The following SRGAP1 variants were observed in gnomAD, a reference collection of about 807,000 sequenced individuals.
The protein encoded by SRGAP1 is SLIT-ROBO Rho GTPase-activating protein 1.
SRGAP1 carries 43 observed loss-of-function variants against 121.9 expected under a neutral mutation model. The ratio of observed to expected loss-of-function variants is 0.35; its 90% CI spans 0.28 to 0.46. The LOEUF (loss-of-function observed/expected upper bound fraction) is 0.46. Ranked by LOEUF, SRGAP1 falls within the 20% of genes least tolerant of loss-of-function variation. The probability of loss-of-function intolerance (pLI) is 1.00; values close to 1 mark genes in which losing one functional copy is unlikely to be tolerated. For synonymous variants in SRGAP1, 447 were observed against 485.4 expected (o/e 0.92, Z 1.04); for missense variants, 1,102 against 1,350.9 (o/e 0.82, Z 2.89).
intron 8 of SRGAP1, among the ~76,000 whole-genome samples, chr12:64,070,887 C>CA (rs1015400904): frequency 2.0e-5 from 3 of 152,112 alleles, no homozygotes; most frequent in African/African-American, 7.2e-5. Context: ...TCATGTAAGT[C>CA]AATGATCAAA....
chr12:63,937,191 A>G (rs2031692811), intron 1 of SRGAP1, among the ~76,000 whole-genome samples: 1 of 152,196 alleles, frequency 6.6e-6, no homozygotes, highest in South Asian at 2.1e-4. Context: ...GCATCAAAAA[A>G]TTAAGTTGGG....
intron 1 of SRGAP1, among the ~76,000 whole-genome samples, chr12:63,865,023 T>G (rs1282134172): frequency 6.6e-6 from 1 of 152,200 alleles, no homozygotes; most frequent in African/African-American, 2.4e-5. Context: ...TTCAGAGTAT[T>G]ACATTGGTGC....
At chr12:63,846,607 A>G (rs1025787645) in intron 1 of SRGAP1, among the ~76,000 whole-genome samples, 7 of 152,190 alleles carry the variant, frequency 4.6e-5, no homozygotes, top group African/African-American at 1.7e-4. Flanking sequence ...TGAAAATCAC[A>G]TTTGGAGCTA....
chr12:64,073,900 G>A (rs937880176), intron 8 of SRGAP1, among the ~76,000 whole-genome samples: 2 of 151,142 alleles, frequency 1.3e-5, no homozygotes, highest in Non-Finnish European at 2.9e-5. Flanking sequence ...TGCTTTAGAA[G>A]CTTTTTTTGT....
chr12:63,946,226 A>G (rs1219440576), intron 1 of SRGAP1, among the ~76,000 whole-genome samples: 2 of 151,412 alleles, frequency 1.3e-5, no homozygotes, highest in African/African-American at 4.9e-5. Context: ...TTATGTTACC[A>G]TTGTCACCAT....
intron 3 of SRGAP1, among the ~76,000 whole-genome samples, chr12:63,999,910 T>A (rs2033826639): frequency 6.6e-6 from 1 of 152,070 alleles, no homozygotes; most frequent in Non-Finnish European, 1.5e-5. Context: ...AATTAAAGGA[T>A]AAGAAGAAGA....
At chr12:64,072,463 T>C (rs1321301350) in intron 8 of SRGAP1, among the ~76,000 whole-genome samples, 2 of 152,102 alleles carry the variant, frequency 1.3e-5, no homozygotes, top group African/African-American at 2.4e-5. Flanking sequence ...TATTTGAAGA[T>C]AGGGCTTCAC....
Position 64,063,015 on chromosome 12 carries a change from C to T in SRGAP1, c.900C>T (p.Asp300=). Residue 300 remains aspartate (D), a synonymous_variant, in exon 7 of 22, where the codon GAC becomes GAT. Coordinates refer to ENST00000355086, the MANE Select transcript of SRGAP1 (RefSeq NM_020762.4). ...AAACCTCCAGACATGAGGGCTTAGACATTATTGAGAATGCAGTTGATAATT... is the reference window on the plus strand; with the variant it reads ...AAACCTCCAGACATGAGGGCTTAGATATTATTGAGAATGCAGTTGATAATT... The part of the protein sequence containing the change: ...NLETSRHEGL[D]IIENAVDNLE... 1.9e-6 allele frequency: 3 copies of T among 1,613,990 alleles called. No individual in the cohort carries two copies. The Admixed American group carries it at 5.0e-5, about 27-fold the overall frequency.
chr12:63,986,270 A>G (rs1418632674), intron 2 of SRGAP1, among the ~76,000 whole-genome samples: 1 of 151,792 alleles, frequency 6.6e-6, no homozygotes, highest in Non-Finnish European at 1.5e-5. Context: ...ATAAATCTTA[A>G]TGATGATCCC....
rs186891920 is a variant in SRGAP1 at position 64,159,100 on chromosome 12, C to A, written c.*16428C>A. On this transcript the variant is annotated 3_prime_UTR_variant, in exon 22 of 22. Transcript: ENST00000355086. ...TTTGGGAGGCTAAGTGGGAGGATCG[C>A]TTGAGCCTAGGAGTTCAAGACCAGC... 1.2e-4 allele frequency: 18 copies of A among 152,606 alleles called. No homozygotes were observed. Among genetic ancestry groups the A allele is most frequent in the African/African-American group, 4.1e-4 (17 of 41,524 alleles). The allele number at this position is 152,606 out of a possible 1,614,324, so 9.5% of individuals were successfully genotyped here. A position where few individuals can be genotyped will look rare whatever the true frequency, so the allele number is the denominator to read the frequency against.
intron 15 of SRGAP1, among the ~76,000 whole-genome samples, chr12:64,100,016 A>C (rs1048787441): frequency 6.6e-6 from 1 of 152,222 alleles, no homozygotes; most frequent in Admixed American, 6.5e-5. Context: ...ACTTAATCTT[A>C]TTAAATAGCT....
At position 64,091,386 on chromosome 12, in the gene SRGAP1, C is replaced by T. The variant is rs2036049158; in HGVS notation, c.1539+8C>T. On this transcript the variant is annotated splice_region_variant and intron_variant, in intron 12 of 21. Coordinates refer to ENST00000355086, the MANE Select transcript of SRGAP1 (RefSeq NM_020762.4). ...TTGGAAACATTCGTCAAGGTACTGG[C>T]ACCAGCCATCTGGGTGGCTGATCTC... 1 of 1,592,508 alleles carries T rather than the reference C, an allele frequency of 6.3e-7. No homozygotes were observed. The highest frequency in any genetic ancestry group is 8.6e-7 in the Non-Finnish European group (1 of 1,164,964).
intron 1 of SRGAP1, among the ~76,000 whole-genome samples, chr12:63,945,341 A>G (rs1177978939): frequency 7.9e-5 from 12 of 151,784 alleles, no homozygotes; most frequent in Admixed American, 6.6e-4. Flanking sequence ...AGGTATACAC[A>G]TGCCATAATG....
At chr12:64,079,677 C>A (rs1416284945) in intron 9 of SRGAP1, among the ~76,000 whole-genome samples, 1 of 150,830 alleles carries the variant, frequency 6.6e-6, no homozygotes, top group South Asian at 2.1e-4. Flanking sequence ...GAGAGTGAGA[C>A]CCCAACTCTA....
At position 64,015,109 on chromosome 12, in the gene SRGAP1, G is replaced by A. The variant is rs570887715; in HGVS notation, c.427-1841G>A. On this transcript the variant is annotated intron_variant, in intron 3 of 21. Coordinates refer to ENST00000355086, the MANE Select transcript of SRGAP1 (RefSeq NM_020762.4). ...TGGGATTACAGGCATGAGCCAACGC[G>A]ACCAGCCATCTTTTCTTTTTAGACT... Among the ~76,000 whole-genome samples, 5 of 152,266 alleles carry A rather than the reference G, an allele frequency of 3.3e-5. No homozygotes were observed. In the South Asian group the frequency reaches 8.3e-4, roughly 25 times the overall value.
intron 1 of SRGAP1, among the ~76,000 whole-genome samples, chr12:63,941,463 G>C (rs1330206750): frequency 3.3e-5 from 5 of 152,118 alleles, no homozygotes; most frequent in Non-Finnish European, 7.4e-5. Flanking sequence ...TGATCCGTTT[G>C]ATCTGCAGTT....
intron 21 of SRGAP1, among the ~76,000 whole-genome samples, chr12:64,136,062 G>GC (rs1247283936): frequency 1.3e-5 from 2 of 152,136 alleles, no homozygotes; most frequent in Non-Finnish European, 2.9e-5. Flanking sequence ...ATATTCGCTG[G>GC]CATCTGATTA....
At chr12:63,990,965 C>G (rs1038868187) in intron 3 of SRGAP1, among the ~76,000 whole-genome samples, 2 of 152,130 alleles carry the variant, frequency 1.3e-5, no homozygotes, top group Non-Finnish European at 2.9e-5. Flanking sequence ...TTCCCAAATC[C>G]ATTAAAAAAC....
rs550412867 is a variant in SRGAP1 at position 63,902,532 on chromosome 12, A to G, written c.67+57649A>G. 1.1e-4 allele frequency among the ~76,000 whole-genome samples: 16 copies of G among 152,356 alleles called. No individual in the cohort carries two copies. In the East Asian group the frequency reaches 3.1e-3, roughly 29 times the overall value. ...ACCCATAATCATGCTTTTACTGCCT[A>G]TTCAGAGAGACTGGAGGCATCTGTT... is the stretch of plus-strand genomic sequence containing the variant. On this transcript the variant is annotated intron_variant, in intron 1 of 21. Transcript: ENST00000355086.
Sources: gnomAD v4.1 joint callset for allele counts (sites outside exome capture counted in the v4.1 genomes callset) on GRCh38, gnomAD v4.1.1 for gene constraint, MANE v1.5 for transcripts, NCBI Gene and HGNC (gene_info 2026-07-23, HGNC 2026-07-21) for gene names.